The following CDH9 variants were observed in gnomAD, a reference collection of about 807,000 sequenced individuals.
CDH9 encodes cadherin-9.
In CDH9, 28 loss-of-function variants were observed where a neutral mutation model predicts 70.9. The observed-to-expected ratio is 0.40, with a 90% confidence interval of 0.29 to 0.54. CDH9 has a LOEUF of 0.54. Ranked by LOEUF, CDH9 falls within the 20% of genes least tolerant of loss-of-function variation. The probability of loss-of-function intolerance (pLI) is 0.59; values close to 1 mark genes in which losing one functional copy is unlikely to be tolerated. For synonymous variants in CDH9, 409 were observed against 343.1 expected (o/e 1.19, Z -2.12); for missense variants, 874 against 984.4 (o/e 0.89, Z 1.50).
At chr5:27,038,326 T>C (rs1313794842) in intron 1 of CDH9, 137 bp downstream of exon 1, 8 of 151,522 alleles carry the variant, frequency 5.3e-5, no homozygotes, top group Non-Finnish European at 1.0e-4. Context: ...TGTATTCTTA[T>C]GTGCTTCCAA....
At chr5:26,993,208 A>T (rs998290730) in intron 1 of CDH9, among the ~76,000 whole-genome samples, 1 of 152,142 alleles carries the variant, frequency 6.6e-6, no homozygotes, top group Non-Finnish European at 1.5e-5. Flanking sequence ...AATGGGGAAC[A>T]CATTGTTGGA....
At chr5:26,917,219 T>G (rs896687749) in intron 2 of CDH9, among the ~76,000 whole-genome samples, 1 of 151,966 alleles carries the variant, frequency 6.6e-6, no homozygotes. Flanking sequence ...TCAAACTAAT[T>G]AACAAATTCA....
chr5:26,892,411 C>G (rs369095152), intron 7 of CDH9, among the ~76,000 whole-genome samples: 1 of 152,232 alleles, frequency 6.6e-6, no homozygotes, highest in Admixed American at 6.5e-5. Flanking sequence ...GAATCCTATG[C>G]TGTAGCTCCA....
Position 26,953,445 on chromosome 5 carries a change from G to A in CDH9, c.228+34661C>T, listed in dbSNP as rs186629135. Among the ~76,000 whole-genome samples the A allele has an allele frequency of 2.0e-4, 31 of 152,112 alleles. No homozygotes were observed. The East Asian group carries it at 5.4e-3, about 27-fold the overall frequency. Reference sequence around the variant, plus strand: ...TACCAAAATAAAAATCCATATTCTCGTTTTCTATTTACACTTTCTCCCTAA... The same window carrying A: ...TACCAAAATAAAAATCCATATTCTCATTTTCTATTTACACTTTCTCCCTAA... On this transcript the variant is annotated intron_variant, in intron 2 of 11. Coordinates refer to ENST00000231021, the MANE Select transcript of CDH9 (RefSeq NM_016279.4).
In CDH9 at chr5:26,988,793, G is replaced by A. The variant is rs557591193; in HGVS notation, c.-49-411C>T. ...TGTATGAAATTACATATTTTAAAGA[G>A]TACTTCTCATAATCCATCATTTTTA... On this transcript the variant is annotated intron_variant, in intron 1 of 11. Coordinates refer to ENST00000231021, the MANE Select transcript of CDH9 (RefSeq NM_016279.4). Among the ~76,000 whole-genome samples the A allele has an allele frequency of 2.1e-3, 317 of 152,064 alleles. 1 individual carries two copies. Among genetic ancestry groups the A allele is most frequent in the Non-Finnish European group, 2.8e-3 (192 of 67,930 alleles).
chr5:26,907,684 T>G (rs540386837), intron 3 of CDH9, among the ~76,000 whole-genome samples: 1 of 152,266 alleles, frequency 6.6e-6, no homozygotes, highest in East Asian at 1.9e-4. Context: ...AAAATTATCT[T>G]TTCCTGAATT....
At chr5:27,037,920 C>T (rs1045765336) in intron 1 of CDH9, among the ~76,000 whole-genome samples, 1 of 152,018 alleles carries the variant, frequency 6.6e-6, no homozygotes, top group African/African-American at 2.4e-5. Flanking sequence ...ATCCAATATG[C>T]ATCTGTGGCA....
At chr5:27,030,118 T>C (rs1225076931) in intron 1 of CDH9, among the ~76,000 whole-genome samples, 1 of 151,958 alleles carries the variant, frequency 6.6e-6, no homozygotes, top group Non-Finnish European at 1.5e-5. Context: ...AGGACTGCAT[T>C]GTTGGAAGAG....
At chr5:26,905,264 G>A (rs184328039) in intron 5 of CDH9, among the ~76,000 whole-genome samples, 5 of 152,198 alleles carry the variant, frequency 3.3e-5, no homozygotes, top group Non-Finnish European at 7.4e-5. Flanking sequence ...GAAATGCAAA[G>A]CATCCATGGT....
intron 2 of CDH9, among the ~76,000 whole-genome samples, chr5:26,924,033 A>T (rs1741293228): frequency 6.6e-6 from 1 of 152,062 alleles, no homozygotes; most frequent in African/African-American, 2.4e-5. Context: ...GTAAAACAAA[A>T]GAAATAATAA....
At chr5:26,967,490 T>G (rs1215034468) in intron 2 of CDH9, among the ~76,000 whole-genome samples, 2 of 152,308 alleles carry the variant, frequency 1.3e-5, no homozygotes, top group Non-Finnish European at 2.9e-5. Flanking sequence ...GAGAAGTTAT[T>G]TAATTACTGT....
chr5:27,005,001 T>C (rs1221930560), intron 1 of CDH9, among the ~76,000 whole-genome samples: 1 of 152,084 alleles, frequency 6.6e-6, no homozygotes, highest in Non-Finnish European at 1.5e-5. Context: ...AAATTGAAGT[T>C]TGAGCTTATA....
intron 2 of CDH9, among the ~76,000 whole-genome samples, chr5:26,956,889 G>A (rs997301625): frequency 6.6e-6 from 1 of 151,838 alleles, no homozygotes; most frequent in African/African-American, 2.4e-5. Context: ...TATTACTAGG[G>A]ATTATATTTG....
intron 2 of CDH9, among the ~76,000 whole-genome samples, chr5:26,949,212 G>A (rs932859766): frequency 6.6e-6 from 1 of 152,132 alleles, no homozygotes; most frequent in African/African-American, 2.4e-5. Flanking sequence ...CCATTACCAA[G>A]CAACGAGGTT....
chr5:26,990,125 T>TGC (rs1409194126), intron 1 of CDH9, among the ~76,000 whole-genome samples: 1 of 152,064 alleles, frequency 6.6e-6, no homozygotes, highest in Admixed American at 6.6e-5. Context: ...ACTCAACATA[T>TGC]TAGCATTATC....
At chr5:26,981,308 C>A (rs538627130) in intron 2 of CDH9, among the ~76,000 whole-genome samples, 1 of 151,972 alleles carries the variant, frequency 6.6e-6, no homozygotes, top group African/African-American at 2.4e-5. Flanking sequence ...TACATTTAAC[C>A]GATGCACATC....
At chr5:26,934,761 A>G (rs970945411) in intron 2 of CDH9, among the ~76,000 whole-genome samples, 3 of 152,208 alleles carry the variant, frequency 2.0e-5, no homozygotes, top group African/African-American at 4.8e-5. Flanking sequence ...AACAATTAAT[A>G]TCCTTAAAAA....
chr5:26,991,269 C>T (rs1254404666), intron 1 of CDH9, among the ~76,000 whole-genome samples: 2 of 152,156 alleles, frequency 1.3e-5, no homozygotes, highest in Non-Finnish European at 2.9e-5. Context: ...ACACTCCATA[C>T]ACTACAATTT....
chr5:26,930,677 A>T (rs1741427194), intron 2 of CDH9, among the ~76,000 whole-genome samples: 1 of 152,046 alleles, frequency 6.6e-6, no homozygotes. Context: ...CCTGTTATTA[A>T]TTGCAAAGGT....
Sources: gnomAD v4.1 joint callset for allele counts (sites outside exome capture counted in the v4.1 genomes callset) on GRCh38, gnomAD v4.1.1 for gene constraint, MANE v1.5 for transcripts, NCBI Gene and HGNC (gene_info 2026-07-23, HGNC 2026-07-21) for gene names.